The following GPR161 variants were observed in gnomAD, a reference collection of about 807,000 sequenced individuals.
GPR161 encodes G protein-coupled receptor 161.
Under a neutral mutation model 39.2 loss-of-function variants are expected in GPR161, and 25 were observed. That is an observed-to-expected ratio of 0.64 (90% confidence interval 0.47 to 0.89). The LOEUF is 0.89. Ranked by LOEUF, GPR161 falls within the 40% of genes least tolerant of loss-of-function variation. The pLI is 0.00. For missense variants in GPR161, 547 were observed against 677.8 expected, an observed-to-expected ratio of 0.81 and a Z score of 2.14; for synonymous variants, 286 against 276.6, an observed-to-expected ratio of 1.03 and a Z score of -0.34.
At chr1:168,085,895 A>G in intron 5 of GPR161, 99 bp from the exon 6 acceptor site, 2 of 1,061,562 alleles carry the variant, frequency 1.9e-6, no homozygotes, top group Admixed American at 2.5e-5. Flanking sequence ...GGGGAGGGAG[A>G]CAAACCGCAG....
chr1:168,105,358 C>T (rs2102175422), intron 1 of GPR161, among the ~76,000 whole-genome samples: 1 of 152,262 alleles, frequency 6.6e-6, no homozygotes, highest in African/African-American at 2.4e-5. Context: ...TGTGTTTAGA[C>T]CCTGGCTACT....
At chr1:168,122,191 A>G (rs929827223) in intron 1 of GPR161, among the ~76,000 whole-genome samples, 2 of 151,896 alleles carry the variant, frequency 1.3e-5, no homozygotes, top group African/African-American at 4.8e-5. Flanking sequence ...CACGCGTGCC[A>G]TCCCATCCTT....
At position 168,092,553 on chromosome 1, in the gene GPR161, G is replaced by GA. The variant is rs1695164125; in HGVS notation, c.1100-1886dup. 3.3e-5 allele frequency among the ~76,000 whole-genome samples: 5 copies of GA among 152,280 alleles called. No individual in the cohort carries two copies. The South Asian group carries it at 1.0e-3, about 32-fold the overall frequency. ...GGCTGAGCACAATCCAACCCCTCAA[G>GA]AAAAAAGCACAAAGGCACAGGCTCG... is the stretch of plus-strand genomic sequence containing the variant. On this transcript the variant is annotated intron_variant, in intron 3 of 5. Coordinates refer to ENST00000682931, the MANE Select transcript of GPR161 (RefSeq NM_001375883.1).
In GPR161 at chr1:168,136,814, C is replaced by T; in HGVS notation, c.-120G>A. The T allele has an allele frequency of 1.0e-6, 1 of 985,266 alleles. No individual in the cohort carries two copies. The highest frequency in any genetic ancestry group is 1.8e-5 in the African/African-American group (1 of 57,128). The allele number at this position is 985,266 out of a possible 1,614,324, so 61.0% of individuals were successfully genotyped here. ...CCTCGGCCACCGCCGCCGCCGCTTCCTTCCTCCCCGCCGCGCTCCGGGACT... is the reference window on the plus strand; with the variant it reads ...CCTCGGCCACCGCCGCCGCCGCTTCTTTCCTCCCCGCCGCGCTCCGGGACT... On this transcript the variant is annotated 5_prime_UTR_variant, in exon 1 of 6. Coordinates refer to ENST00000682931, the MANE Select transcript of GPR161 (RefSeq NM_001375883.1).
chr1:168,090,323 C>T, intron 4 of GPR161: 1 of 398,126 alleles, frequency 2.5e-6, no homozygotes, highest in African/African-American at 2.0e-5. Flanking sequence ...CCTAATAACA[C>T]CGTGCGGCAG....
At chr1:168,132,728 G>T (rs1196169714) in intron 1 of GPR161, among the ~76,000 whole-genome samples, 1 of 152,124 alleles carries the variant, frequency 6.6e-6, no homozygotes, top group African/African-American at 2.4e-5. Context: ...TTTTAGGTTT[G>T]TTTTTGTTGT....
chr1:168,080,169 AG>A lies in GPR161; in HGVS notation c.*5361del, dbSNP rs2102069747. The A allele has an allele frequency of 6.6e-6, 1 of 152,212 alleles. No individual in the cohort carries two copies. The highest frequency in any genetic ancestry group is 2.4e-5 in the African/African-American group (1 of 41,520). 9.4% of individuals were successfully genotyped at this position (152,212 alleles called of 1,614,324 possible). A position where few individuals can be genotyped will look rare whatever the true frequency, so the allele number is the denominator to read the frequency against. On this transcript the variant is annotated 3_prime_UTR_variant, in exon 6 of 6. Coordinates refer to ENST00000682931, the MANE Select transcript of GPR161 (RefSeq NM_001375883.1). ...GTCCAGTCACTTTCCTTGGGCCTTC[AG>A]TTTTTTTTAGGTCTGGCCAGCAGAT... is the stretch of plus-strand genomic sequence containing the variant.
chr1:168,132,255 ACT>A (rs1491028590), intron 1 of GPR161, among the ~76,000 whole-genome samples: 4 of 151,226 alleles, frequency 2.6e-5, no homozygotes, highest in African/African-American at 9.7e-5. Flanking sequence ...ACAGAGCAAG[ACT>A]CTGTCTCATA....
At chr1:168,117,995 CA>C (rs1256198462) in intron 1 of GPR161, among the ~76,000 whole-genome samples, 3 of 145,242 alleles carry the variant, frequency 2.1e-5, no homozygotes, top group African/African-American at 7.9e-5. Flanking sequence ...AAGAAACAAA[CA>C]AATAAGTGGG....
intron 1 of GPR161, among the ~76,000 whole-genome samples, chr1:168,127,721 A>C (rs1231617608): frequency 6.6e-6 from 1 of 152,212 alleles, no homozygotes; most frequent in East Asian, 1.9e-4. Context: ...CACTATGAGA[A>C]CAGCACAAGA....
intron 1 of GPR161, among the ~76,000 whole-genome samples, chr1:168,116,173 G>A (rs894027148): frequency 6.6e-6 from 1 of 152,150 alleles, no homozygotes; most frequent in African/African-American, 2.4e-5. Context: ...GGCTCCTTTA[G>A]AGCAGAATGC....
At chr1:168,108,808 T>A (rs1459425590) in intron 1 of GPR161, among the ~76,000 whole-genome samples, 1 of 152,210 alleles carries the variant, frequency 6.6e-6, no homozygotes, top group East Asian at 1.9e-4. Context: ...TTAAGTTTAC[T>A]AAGTTTACTT....
intron 1 of GPR161, among the ~76,000 whole-genome samples, chr1:168,112,009 G>A (rs1697214839): frequency 6.7e-6 from 1 of 150,204 alleles, no homozygotes; most frequent in African/African-American, 2.4e-5. Flanking sequence ...AATATCTAAG[G>A]AAAGGAACCT....
chr1:168,125,898 G>T lies in GPR161; in HGVS notation c.-45+10841C>A, dbSNP rs1264722174. ...CCCAAAGTGCTGGGATTACAGGCGT[G>T]AGCCACCGCACCCGGCCCTATTTTT... On this transcript the variant is annotated intron_variant, in intron 1 of 5. Transcript: ENST00000682931. Among the ~76,000 whole-genome samples the T allele has an allele frequency of 3.9e-5, 6 of 152,274 alleles. No individual in the cohort carries two copies. The East Asian group carries it at 1.2e-3, about 29-fold the overall frequency.
In GPR161 at chr1:168,097,088, C is replaced by T. The variant is rs1695624834; in HGVS notation, c.519G>A (p.Glu173=). ...LFGWSSVEFD[E]FKWMCVAAWH... ...AAGCAGCCACACACATCCATTTGAACTCGTCAAACTCCACGGATGACCAAC... is the reference window on the plus strand; with the variant it reads ...AAGCAGCCACACACATCCATTTGAATTCGTCAAACTCCACGGATGACCAAC... Residue 173 remains glutamate (E), a synonymous_variant, in exon 3 of 6, where the codon GAG becomes GAA. Coordinates refer to ENST00000682931, the MANE Select transcript of GPR161 (RefSeq NM_001375883.1). 8 of 1,614,098 alleles carry T rather than the reference C, an allele frequency of 5.0e-6. No individual in the cohort carries two copies. The highest frequency in any genetic ancestry group is 1.1e-5 in the South Asian group (1 of 91,084).
chr1:168,133,822 T>C, intron 1 of GPR161: 2 of 455,366 alleles, frequency 4.4e-6, no homozygotes, highest in Non-Finnish European at 5.8e-6. Flanking sequence ...GTGAGAAATG[T>C]AGGTAATACT....
At chr1:168,125,624 CTTTT>C (rs35233372) in intron 1 of GPR161, among the ~76,000 whole-genome samples, 1 of 142,206 alleles carries the variant, frequency 7.0e-6, no homozygotes. Flanking sequence ...CTTCCCCCCC[CTTTT>C]TTTTTTTTTG....
In GPR161 at chr1:168,123,505, TATATAG is replaced by T. The variant is rs142132606; in HGVS notation, c.-45+13228_-45+13233del. Reference sequence around the variant, plus strand: ...GTCTATCTATCTATCTATATCTATCTATATAGATATAGATATAGATATGCACATACA... The same window carrying T: ...GTCTATCTATCTATCTATATCTATCTATATAGATATAGATATGCACATACA... On this transcript the variant is annotated intron_variant, in intron 1 of 5. Coordinates refer to ENST00000682931, the MANE Select transcript of GPR161 (RefSeq NM_001375883.1). Among the ~76,000 whole-genome samples, 1,260 of 149,006 alleles carry T rather than the reference TATATAG, an allele frequency of 8.5e-3. 16 individuals carry two copies. Among genetic ancestry groups the T allele is most frequent in the South Asian group, 0.025 (118 of 4,708 alleles).
intron 1 of GPR161, chr1:168,114,506 A>G (rs1219981656): frequency 6.6e-6 from 1 of 151,950 alleles, no homozygotes; most frequent in African/African-American, 2.4e-5. Flanking sequence ...GCTTGAACCC[A>G]GGAGCCGAGA....
Sources: allele counts gnomAD v4.1 joint callset (sites outside exome capture counted in the v4.1 genomes callset), GRCh38; gene constraint gnomAD v4.1.1; transcripts MANE v1.5; gene names NCBI Gene and HGNC (gene_info 2026-07-23, HGNC 2026-07-21).